Variants in TRHDE observed in about 807,000 individuals in gnomAD.
TRHDE encodes the protein thyrotropin releasing hormone degrading enzyme, also known as thyrotropin-releasing hormone-degrading ectoenzyme.
In TRHDE, 72 loss-of-function variants were observed where a neutral mutation model predicts 125.7. The ratio of observed to expected loss-of-function variants is 0.57; its 90% CI spans 0.47 to 0.70. The LOEUF (loss-of-function observed/expected upper bound fraction) is 0.70. Ranked by LOEUF, TRHDE falls within the 30% of genes least tolerant of loss-of-function variation. The pLI is 0.00. For synonymous variants in TRHDE, 509 were observed against 509.1 expected (o/e 1.00, Z 0.00); for missense variants, 1,110 against 1,327.1 (o/e 0.84, Z 2.54).
At chr12:72,365,160 C>T (rs1435926217) in intron 2 of TRHDE, among the ~76,000 whole-genome samples, 2 of 152,072 alleles carry the variant, frequency 1.3e-5, no homozygotes, top group Non-Finnish European at 2.9e-5. Flanking sequence ...TTGAATGTAT[C>T]TTCATTGAAG....
chr12:72,663,201 G>A lies in TRHDE; in HGVS notation c.*6G>A, dbSNP rs780210592. The A allele has an allele frequency of 1.4e-5, 23 of 1,591,234 alleles. No individual in the cohort carries two copies. In the South Asian group the frequency reaches 2.2e-4, roughly 15 times the overall value. On this transcript the variant is annotated 3_prime_UTR_variant, in exon 19 of 19. Transcript: ENST00000261180. ...GAAAAGCTCTAAGACACTAATATAT[G>A]TATCTTATAAACAAACAATTCAACT...
intron 7 of TRHDE, among the ~76,000 whole-genome samples, chr12:72,546,329 T>G (rs137905418): frequency 6.6e-6 from 1 of 151,752 alleles, no homozygotes; most frequent in Non-Finnish European, 1.5e-5. Flanking sequence ...TTTAAAGCAC[T>G]AAGGTTGTTG....
chr12:72,456,001 G>T (rs1875824477), intron 3 of TRHDE, among the ~76,000 whole-genome samples: 1 of 151,142 alleles, frequency 6.6e-6, no homozygotes, highest in South Asian at 2.1e-4. Context: ...ACATATATGT[G>T]TATACTCACA....
intron 2 of TRHDE, among the ~76,000 whole-genome samples, chr12:72,335,451 A>C (rs4760762): frequency 0.068 from 10,388 of 152,280 alleles, 411 homozygotes; most frequent in African/African-American, 0.11. Context: ...TAAAGTAGAC[A>C]GGAACCAAAA....
intron 6 of TRHDE, among the ~76,000 whole-genome samples, chr12:72,519,012 T>G (rs1178967917): frequency 6.6e-6 from 1 of 152,244 alleles, no homozygotes; most frequent in Non-Finnish European, 1.5e-5. Context: ...TGCCGAGAGA[T>G]CTGCTGTTAG....
At chr12:72,122,911 A>T (rs1875625663) in intron 2 of TRHDE, among the ~76,000 whole-genome samples, 2 of 152,140 alleles carry the variant, frequency 1.3e-5, no homozygotes, top group African/African-American at 4.8e-5. Flanking sequence ...ACCTTAAAGG[A>T]TACGATGAAG....
intron 5 of TRHDE, among the ~76,000 whole-genome samples, chr12:72,487,816 G>A (rs1877482234): frequency 6.6e-6 from 1 of 151,966 alleles, no homozygotes; most frequent in Admixed American, 6.6e-5. Flanking sequence ...AATAATTAAA[G>A]CTACAAAAAG....
In TRHDE at chr12:72,669,866, T is replaced by C. The variant is rs960121487; in HGVS notation, c.*6671T>C. Reference sequence around the variant, plus strand: ...GATATTTTTCATTTTTCATTTTTCATTGCTATCTTTTAATCCCTTTGCATT... The same window carrying C: ...GATATTTTTCATTTTTCATTTTTCACTGCTATCTTTTAATCCCTTTGCATT... On this transcript the variant is annotated 3_prime_UTR_variant, in exon 19 of 19. Coordinates refer to ENST00000261180, the MANE Select transcript of TRHDE (RefSeq NM_013381.3). 6.6e-6 allele frequency: 1 copy of C among 151,098 alleles called. No individual in the cohort carries two copies. The highest frequency in any genetic ancestry group is 1.9e-4 in the East Asian group (1 of 5,132). 9.4% of individuals were successfully genotyped at this position (151,098 alleles called of 1,614,324 possible).
chr12:72,118,880 T>C (rs1417434836), intron 2 of TRHDE, among the ~76,000 whole-genome samples: 5 of 152,172 alleles, frequency 3.3e-5, no homozygotes, highest in Non-Finnish European at 7.3e-5. Context: ...TGCTGTGGTA[T>C]CAGTTGTAAT....
At chr12:72,398,736 C>G (rs1434338271) in intron 3 of TRHDE, among the ~76,000 whole-genome samples, 1 of 152,154 alleles carries the variant, frequency 6.6e-6, no homozygotes, top group Non-Finnish European at 1.5e-5. Flanking sequence ...CCTATGAAGA[C>G]AACAAATGGA....
intron 7 of TRHDE, among the ~76,000 whole-genome samples, chr12:72,549,354 G>C (rs185743355): frequency 4.5e-4 from 68 of 151,934 alleles, no homozygotes; most frequent in African/African-American, 1.3e-3. Context: ...TTTCAGATAA[G>C]TAAAAAGTCA....
intron 2 of TRHDE, among the ~76,000 whole-genome samples, chr12:72,228,181 AG>A (rs1319550504): frequency 1.3e-5 from 2 of 152,144 alleles, no homozygotes; most frequent in Non-Finnish European, 2.9e-5. Context: ...CTGCCCTAGC[AG>A]AGGTTCTCCA....
intron 12 of TRHDE, among the ~76,000 whole-genome samples, chr12:72,597,666 T>TAAAAAAAA (rs758942039): frequency 1.3e-5 from 1 of 75,670 alleles, no homozygotes; most frequent in African/African-American, 6.6e-5. Flanking sequence ...AGACCTTGTC[T>TAAAAAAAA]AAAAAAAAAA....
intron 7 of TRHDE, among the ~76,000 whole-genome samples, chr12:72,546,852 C>G (rs1869443521): frequency 1.3e-5 from 2 of 151,638 alleles, no homozygotes; most frequent in African/African-American, 4.8e-5. Context: ...ACTGGTAATA[C>G]TTTACCCCTG....
intron 2 of TRHDE, among the ~76,000 whole-genome samples, chr12:72,165,555 A>G (rs2139331372): frequency 6.6e-6 from 1 of 152,206 alleles, no homozygotes. Context: ...ATGTGTATAT[A>G]CTATGATTAT....
At chr12:72,356,063 G>T (rs761342479) in intron 2 of TRHDE, among the ~76,000 whole-genome samples, 6 of 151,618 alleles carry the variant, frequency 4.0e-5, no homozygotes, top group Non-Finnish European at 7.4e-5. Flanking sequence ...AATGTAAATT[G>T]TTCTACCATA....
At chr12:72,317,798 A>G (rs2135706663) in intron 2 of TRHDE, among the ~76,000 whole-genome samples, 1 of 152,266 alleles carries the variant, frequency 6.6e-6, no homozygotes, top group African/African-American at 2.4e-5. Context: ...GGCAGGGAAC[A>G]TTCAACGGAT....
chr12:72,538,772 T>C (rs1868993129), intron 6 of TRHDE, among the ~76,000 whole-genome samples: 1 of 152,022 alleles, frequency 6.6e-6, no homozygotes, highest in African/African-American at 2.4e-5. Context: ...CAAACTTATC[T>C]TTCCATTTCT....
intron 3 of TRHDE, among the ~76,000 whole-genome samples, chr12:72,404,021 C>A (rs775083168): frequency 8.6e-5 from 13 of 151,998 alleles, no homozygotes; most frequent in Non-Finnish European, 4.4e-5. Flanking sequence ...ATCTTTGCCT[C>A]TGTGTGTGTG....
Sources: gnomAD v4.1 joint callset for allele counts (sites outside exome capture counted in the v4.1 genomes callset) on GRCh38, gnomAD v4.1.1 for gene constraint, MANE v1.5 for transcripts, NCBI Gene and HGNC (gene_info 2026-07-23, HGNC 2026-07-21) for gene names.